POTEJ: variants seen among roughly 807,000 people sequenced by gnomAD.
POTEJ encodes the protein POTE ankyrin domain family, member J.
POTEJ carries 11 observed loss-of-function variants against 69.0 expected under a neutral mutation model. The observed-to-expected ratio is 0.16, with a 90% CI of 0.10 to 0.26. POTEJ has a LOEUF of 0.26. Among genes scored for constraint, POTEJ ranks in the 10% least tolerant of loss-of-function variants. The probability of loss-of-function intolerance (pLI) is 1.00; values close to 1 mark genes in which losing one functional copy is unlikely to be tolerated. For missense variants in POTEJ, 327 were observed against 1,045.5 expected (o/e 0.31, Z 9.48); for synonymous variants, 117 against 381.1 (o/e 0.31, Z 8.07).
chr2:130,614,154 C>T (rs1685341099), intron 1 of POTEJ, among the ~76,000 whole-genome samples: 1 of 104,444 alleles, frequency 9.6e-6, no homozygotes. Context: ...GAGACTCCAT[C>T]TCAAAAAAAA....
At chr2:130,631,577 A>C (rs1201827151) in intron 8 of POTEJ, 124 bp downstream of exon 8, 1 of 395,382 alleles carries the variant, frequency 2.5e-6, no homozygotes, top group Non-Finnish European at 4.8e-6. Flanking sequence ...TGAGTGAAAA[A>C]GTTAATATTT....
intron 9 of POTEJ, among the ~76,000 whole-genome samples, chr2:130,633,284 AT>A (rs1343798667): frequency 7.3e-6 from 1 of 137,646 alleles, no homozygotes; most frequent in Non-Finnish European, 1.6e-5. Flanking sequence ...TTAGTAGCAT[AT>A]TCACAAACAC....
chr2:130,626,832 T>C lies in POTEJ; in HGVS notation c.1015+2698T>C, dbSNP rs1361079093. Among the ~76,000 whole-genome samples the C allele has an allele frequency of 2.0e-5, 3 of 152,314 alleles. No individual in the cohort carries two copies. The East Asian group carries it at 5.8e-4, about 29-fold the overall frequency. On this transcript the variant is annotated intron_variant, in intron 6 of 14. Transcript: ENST00000409602. The stretch of plus-strand genomic sequence containing the variant: ...CTTGTTTTAATATGTTGGCCTTTGT[T>C]TTTTTGGTGTTATGCTTTTTTCATT...
At chr2:130,654,590 G>C (rs1234184241) in intron 13 of POTEJ, among the ~76,000 whole-genome samples, 15 of 148,558 alleles carry the variant, frequency 1.0e-4, no homozygotes, top group African/African-American at 3.8e-4. Flanking sequence ...CAAGCTCAGG[G>C]CTCCCACTGA....
chr2:130,626,828 T>C (rs1417211732), intron 6 of POTEJ, among the ~76,000 whole-genome samples: 1 of 152,192 alleles, frequency 6.6e-6, no homozygotes, highest in Non-Finnish European at 1.5e-5. Flanking sequence ...ATGTTGGCCT[T>C]TGTTTTTTTG....
intron 9 of POTEJ, among the ~76,000 whole-genome samples, chr2:130,637,930 C>A (rs1686171555): frequency 6.8e-6 from 1 of 146,672 alleles, no homozygotes; most frequent in African/African-American, 2.6e-5. Context: ...AGTGGACAAT[C>A]ACATTATCTA....
intron 6 of POTEJ, among the ~76,000 whole-genome samples, chr2:130,629,593 A>G (rs1208120170): frequency 2.1e-4 from 31 of 150,660 alleles, no homozygotes; most frequent in Non-Finnish European, 3.6e-4. Flanking sequence ...GTGCAGGAAA[A>G]CTTGTTTCTC....
intron 6 of POTEJ, among the ~76,000 whole-genome samples, chr2:130,626,556 C>G (rs1397277096): frequency 6.6e-6 from 1 of 151,994 alleles, no homozygotes; most frequent in Non-Finnish European, 1.5e-5. Flanking sequence ...TATATGTAAG[C>G]AAACAGGCAT....
At chr2:130,613,669 G>C (rs898994186) in intron 1 of POTEJ, among the ~76,000 whole-genome samples, 1 of 137,840 alleles carries the variant, frequency 7.3e-6, no homozygotes, top group African/African-American at 3.1e-5. Context: ...CCCAAGTGCT[G>C]GGGTTACAGG....
At chr2:130,618,599 A>G (rs1685448519) in intron 3 of POTEJ, among the ~76,000 whole-genome samples, 1 of 146,942 alleles carries the variant, frequency 6.8e-6, no homozygotes, top group Admixed American at 6.6e-5. Flanking sequence ...AACAACAACG[A>G]CGACGACAAC....
chr2:130,630,711 A>G lies in POTEJ; in HGVS notation c.1086+692A>G, dbSNP rs577109271. 4.6e-3 allele frequency among the ~76,000 whole-genome samples: 670 copies of G among 145,068 alleles called. 10 individuals carry two copies. The highest frequency in any genetic ancestry group is 0.017 in the African/African-American group (634 of 37,318). The stretch of plus-strand genomic sequence containing the variant: ...TTTGGTGTTAGTGCACAAACACAAT[A>G]ACATTCTAATTTATTTCAGTTGCAG... On this transcript the variant is annotated intron_variant, in intron 7 of 14. Transcript: ENST00000409602.
intron 1 of POTEJ, among the ~76,000 whole-genome samples, chr2:130,614,663 T>C (rs1271723233): frequency 7.3e-6 from 1 of 137,542 alleles, no homozygotes; most frequent in Non-Finnish European, 1.5e-5. Flanking sequence ...TTTTTCCCTT[T>C]CTCTTATCTG....
intron 6 of POTEJ, among the ~76,000 whole-genome samples, chr2:130,627,475 C>G (rs536621413): frequency 7.2e-6 from 1 of 138,346 alleles, no homozygotes; most frequent in African/African-American, 3.2e-5. Flanking sequence ...CAGAAAAGAG[C>G]GAGCAAGGAG....
intron 1 of POTEJ, among the ~76,000 whole-genome samples, chr2:130,615,961 AAAGT>A (rs2105197010): frequency 7.2e-6 from 1 of 138,048 alleles, no homozygotes; most frequent in Non-Finnish European, 1.5e-5. Context: ...ATTGAAAACC[AAAGT>A]AAGAATTGGT....
At chr2:130,655,611 T>A (rs1329972559) in intron 14 of POTEJ, among the ~76,000 whole-genome samples, 2 of 152,180 alleles carry the variant, frequency 1.3e-5, no homozygotes, top group Non-Finnish European at 2.9e-5. Context: ...TAGTTCAGTA[T>A]ATTTCCCCTA....
intron 14 of POTEJ, among the ~76,000 whole-genome samples, chr2:130,655,537 C>A (rs1165598156): frequency 6.6e-6 from 1 of 152,150 alleles, no homozygotes; most frequent in African/African-American, 2.4e-5. Flanking sequence ...GGTTTGAAAA[C>A]AATGACATGC....
rs371898295 is a variant in POTEJ, at chr2:130,636,859, A to C, written c.1299-1760A>C. On this transcript the variant is annotated intron_variant, in intron 9 of 14. Coordinates refer to ENST00000409602, the MANE Select transcript of POTEJ (RefSeq NM_001277083.2). ...TGTAATCACAGCACTTTGGGAGGCC[A>C]AGGCAGGCGGATCACGAGGTCAGGA... 1.4e-5 allele frequency among the ~76,000 whole-genome samples: 2 copies of C among 141,928 alleles called. 1 individual carries two copies. Among genetic ancestry groups the C allele is most frequent in the South Asian group, 4.4e-4 (2 of 4,526 alleles). 93.1% of individuals were successfully genotyped at this position (141,928 alleles called of 152,430 possible). A position where few individuals can be genotyped will look rare whatever the true frequency, so the allele number is the denominator to read the frequency against.
chr2:130,656,474 AT>A, intron 14 of POTEJ, 74 bp from the exon 15 acceptor site: 1 of 1,531,776 alleles, frequency 6.5e-7, no homozygotes, highest in East Asian at 2.2e-5. Context: ...AATACATGTT[AT>A]TTTTGAATTT....
chr2:130,647,235 G>A (rs1445365514), intron 13 of POTEJ, among the ~76,000 whole-genome samples: 3 of 151,214 alleles, frequency 2.0e-5, no homozygotes, highest in Admixed American at 6.5e-5. Context: ...AAGAGTTCTT[G>A]TTAAAATTCT....
Sources: gnomAD v4.1 joint callset for allele counts (sites outside exome capture counted in the v4.1 genomes callset) on GRCh38, gnomAD v4.1.1 for gene constraint, MANE v1.5 for transcripts, NCBI Gene and HGNC (gene_info 2026-07-23, HGNC 2026-07-21) for gene names.